Variants in ACTA1 observed in about 807,000 individuals in gnomAD.
ACTA1 encodes the protein actin alpha 1, skeletal muscle, also known as actin, alpha skeletal muscle.
A neutral mutation model predicts 35.8 loss-of-function variants in ACTA1; 25 were observed. The ratio of observed to expected loss-of-function variants is 0.70; its 90% CI spans 0.51 to 0.97. The LOEUF is 0.97. Ranked by LOEUF, ACTA1 falls within the 50% of genes least tolerant of loss-of-function variation. The pLI, the probability that ACTA1 is intolerant of heterozygous loss-of-function variation, is 0.00. For synonymous variants in ACTA1, 219 were observed against 217.1 expected, an observed-to-expected ratio of 1.01 and a Z score of -0.08; for missense variants, 174 against 533.0, an observed-to-expected ratio of 0.33 and a Z score of 6.63.
chr1:229,432,983 T>A lies in ACTA1; in HGVS notation c.129+4A>T. 1 of 1,613,490 alleles carries A rather than the reference T, an allele frequency of 6.2e-7. No homozygotes were observed. On this transcript the variant is annotated splice_donor_region_variant and intron_variant, in intron 2 of 6. Coordinates refer to ENST00000366684, the MANE Select transcript of ACTA1 (RefSeq NM_001100.4). ...CGGCTCCCTCTGCGGAGGGGCAGCC[T>A]GACCTGGTGTCGGGGGCGGCCCACG...
chr1:229,433,187 AGG>A (rs57214022), intron 1 of ACTA1, 60 bp from the exon 2 acceptor site: 5 of 1,601,076 alleles, frequency 3.1e-6, no homozygotes, highest in Non-Finnish European at 1.7e-6. Context: ...TCTCAGCGGC[AGG>A]GGGGGGTAAG....
In ACTA1 at chr1:229,432,676, G is replaced by A. The variant is rs146508471; in HGVS notation, c.334C>T (p.Leu112Phe). 4 of 1,614,056 alleles carry A rather than the reference G, an allele frequency of 2.5e-6. No homozygotes were observed. The African/African-American group carries it at 5.3e-5, about 22-fold the overall frequency. ...TTCTCGCGGTTGGCCTTGGGATTGAGGGGGGCCTCGGTGAGCAGGGTGGGG... is the reference window on the plus strand; with the variant it reads ...TTCTCGCGGTTGGCCTTGGGATTGAAGGGGGCCTCGGTGAGCAGGGTGGGG... Reference protein sequence around the residue: ...EHPTLLTEAPLNPKANREKMT... With the variant: ...EHPTLLTEAPFNPKANREKMT... Residue 112 changes from leucine (L) to phenylalanine (F), a missense_variant, in exon 3 of 7, where the codon CTC becomes TTC. By Grantham distance (22) the Leu-to-Phe change is conservative (BLOSUM62 0). Coordinates refer to ENST00000366684, the MANE Select transcript of ACTA1 (RefSeq NM_001100.4).
intron 1 of ACTA1, 30 bp downstream of exon 1, chr1:229,433,974 C>G (rs1245006225): frequency 6.6e-6 from 1 of 152,432 alleles, no homozygotes; most frequent in African/African-American, 2.4e-5. Context: ...AGTGCCCTGT[C>G]CCCCTGTCCC....
intron 1 of ACTA1, 75 bp from the exon 2 acceptor site, chr1:229,433,202 T>C: frequency 1.9e-6 from 3 of 1,597,602 alleles, no homozygotes; most frequent in Non-Finnish European, 2.6e-6. Flanking sequence ...GGGGTAAGCC[T>C]GGCTGGCCCC....
Position 229,431,793 on chromosome 1 carries a change from C to A in ACTA1, c.918G>T (p.Thr306=). 6.2e-7 allele frequency: 1 copy of A among 1,614,172 alleles called. No individual in the cohort carries two copies. Among genetic ancestry groups the A allele is most frequent in the Non-Finnish European group, 8.5e-7 (1 of 1,180,016 alleles). The change falls in exon 6 of 7, where the codon ACG becomes ACT. Residue 306 remains threonine, a synonymous_variant. Transcript: ENST00000366684. The surrounding 1 kb of genome is among the most constrained non-coding windows in gnomAD (Gnocchi z 7.1). ...TGCGGTCAGCGATCCCAGGGTACAT[C>A]GTGGTGCCCCCCGACATGACGTTGT... The part of the protein sequence containing the change: ...YANNVMSGGT[T]MYPGIADRMQ...
chr1:229,431,846 T>C lies in ACTA1; in HGVS notation c.865A>G (p.Ile289Val). Residue 289 changes from isoleucine (I) to valine (V), a missense_variant, in exon 6 of 7, where the codon ATC (isoleucine) becomes GTC (valine). Coordinates refer to ENST00000366684, the MANE Select transcript of ACTA1 (RefSeq NM_001100.4). The surrounding 1 kb of genome is among the most constrained non-coding windows in gnomAD (Gnocchi z 7.1). Reference protein sequence around the residue: ...TTYNSIMKCDIDIRKDLYANN... With the variant: ...TTYNSIMKCDVDIRKDLYANN... ...GCATACAGGTCCTTCCTGATGTCGA[T>C]GTCACACTTCATGATGCTGTTGTAG... The C allele has an allele frequency of 6.2e-7, 1 of 1,614,138 alleles. No homozygotes were observed.
In ACTA1 at chr1:229,432,842, C is replaced by T. The variant is rs765413340; in HGVS notation, c.168G>A (p.Val56=). 6.8e-6 allele frequency: 11 copies of T among 1,614,178 alleles called. No individual in the cohort carries two copies. The East Asian group carries it at 1.1e-4, about 16-fold the overall frequency. The part of the protein sequence containing the change: ...MVGMGQKDSY[V]GDEAQSKRGI... ...CTCTCTTGCTCTGAGCCTCGTCGCCCACGTAGGAATCTTTCTGACCCATAC... is the reference window on the plus strand; with the variant it reads ...CTCTCTTGCTCTGAGCCTCGTCGCCTACGTAGGAATCTTTCTGACCCATAC... Residue 56 remains valine (V), a synonymous_variant, in exon 3 of 7, where the codon GTG becomes GTA. Coordinates refer to ENST00000366684, the MANE Select transcript of ACTA1 (RefSeq NM_001100.4).
At chr1:229,433,825 T>G (rs1418380092) in intron 1 of ACTA1, among the ~76,000 whole-genome samples, 179 bp downstream of exon 1, 1 of 151,240 alleles carries the variant, frequency 6.6e-6, no homozygotes, top group Non-Finnish European at 1.5e-5. Flanking sequence ...AAGTCTAATT[T>G]CCAGAGGCTG....
chr1:229,433,244 T>C, intron 1 of ACTA1, 117 bp from the exon 2 acceptor site: 1 of 1,420,302 alleles, frequency 7.0e-7, no homozygotes, highest in Admixed American at 1.8e-5. Context: ...CCTAGGGACA[T>C]CTCCTGCCGG....
At position 229,434,077 on chromosome 1, in the gene ACTA1, G is replaced by C. The variant is rs1367779709; in HGVS notation, c.-86C>G. 6.6e-6 allele frequency: 1 copy of C among 152,388 alleles called. No homozygotes were observed. Among genetic ancestry groups the C allele is most frequent in the African/African-American group, 2.4e-5 (1 of 41,472 alleles). 9.4% of individuals were successfully genotyped at this position (152,388 alleles called of 1,614,324 possible). A position where few individuals can be genotyped will look rare whatever the true frequency, so the allele number is the denominator to read the frequency against. On this transcript the variant is annotated 5_prime_UTR_variant, in exon 1 of 7. Coordinates refer to ENST00000366684, the MANE Select transcript of ACTA1 (RefSeq NM_001100.4). ...GCGGAGGGGAAGCGAGGCTTCACTT[G>C]GCGCTGTCCGCTGCGGTGGCCGCTT...
Position 229,431,277 on chromosome 1 carries a change from T to G in ACTA1, c.*222A>C. 1.5e-6 allele frequency: 1 copy of G among 660,356 alleles called. No individual in the cohort carries two copies. Among genetic ancestry groups the G allele is most frequent in the South Asian group, 1.8e-5 (1 of 54,280 alleles). 40.9% of individuals were successfully genotyped at this position (660,356 alleles called of 1,614,324 possible). On this transcript the variant is annotated 3_prime_UTR_variant, in exon 7 of 7. Coordinates refer to ENST00000366684, the MANE Select transcript of ACTA1 (RefSeq NM_001100.4). This position sits in a 1 kb window ranked among gnomAD's most constrained non-coding sequence, Gnocchi z 7.1. Reference sequence around the variant, plus strand: ...AGCTTAACAGAATGACTTTAATGCTTCTTCAAGTTTTCCATTTTCTTCCAC... The same window carrying G: ...AGCTTAACAGAATGACTTTAATGCTGCTTCAAGTTTTCCATTTTCTTCCAC...
intron 1 of ACTA1, among the ~76,000 whole-genome samples, chr1:229,433,638 G>T (rs548993940): frequency 6.6e-6 from 1 of 152,316 alleles, no homozygotes; most frequent in East Asian, 1.9e-4. Context: ...ACTCAGAAAG[G>T]GCCTTTTCGC....
chr1:229,433,040 C>T lies in ACTA1; in HGVS notation c.76G>A (p.Asp26Asn), dbSNP rs1659985676. ...GGGAACACGGCCCTAGGGGCGTCATCCCCGGCGAAGCCGGCTTTCACCAGG... is the reference window on the plus strand; with the variant it reads ...GGGAACACGGCCCTAGGGGCGTCATTCCCGGCGAAGCCGGCTTTCACCAGG... ...SGLVKAGFAG[D>N]DAPRAVFPSI... Residue 26 changes from aspartate to asparagine, a missense_variant, in exon 2 of 7, where the codon GAT becomes AAT. By Grantham distance (23) the Asp-to-Asn change is conservative (BLOSUM62 1). Coordinates refer to ENST00000366684, the MANE Select transcript of ACTA1 (RefSeq NM_001100.4). 1 of 1,613,830 alleles carries T rather than the reference C, an allele frequency of 6.2e-7. No individual in the cohort carries two copies. The highest frequency in any genetic ancestry group is 8.5e-7 in the Non-Finnish European group (1 of 1,179,896).
At position 229,433,068 on chromosome 1, in the gene ACTA1, G is replaced by A. The variant is rs370407621; in HGVS notation, c.48C>T (p.Ser16=). 5 of 1,614,010 alleles carry A rather than the reference G, an allele frequency of 3.1e-6. No individual in the cohort carries two copies. The highest frequency in any genetic ancestry group is 1.3e-5 in the African/African-American group (1 of 74,950). The change falls in exon 2 of 7, where the codon TCC becomes TCT. Residue 16 remains serine (S), a synonymous_variant. Transcript: ENST00000366684. Reference sequence around the variant, plus strand: ...CGGCGAAGCCGGCTTTCACCAGGCCGGAGCCATTGTCGCACACGAGGGCGG... The same window carrying A: ...CGGCGAAGCCGGCTTTCACCAGGCCAGAGCCATTGTCGCACACGAGGGCGG... The part of the protein sequence containing the change: ...ETTALVCDNG[S]GLVKAGFAGD...
At position 229,431,477 on chromosome 1, in the gene ACTA1, G is replaced by T; in HGVS notation, c.*22C>A. On this transcript the variant is annotated 3_prime_UTR_variant, in exon 7 of 7. Transcript: ENST00000366684. The surrounding 1 kb of genome is among the most constrained non-coding windows in gnomAD (Gnocchi z 7.1). ...AGAAGATTCGTCGTCCTGAGAAGTC[G>T]CGTGCTGGAGGTGGAGTGTGTCTAG... 6.2e-7 allele frequency: 1 copy of T among 1,612,600 alleles called. No individual in the cohort carries two copies. The highest frequency in any genetic ancestry group is 8.5e-7 in the Non-Finnish European group (1 of 1,180,016).
intron 3 of ACTA1, 43 bp downstream of exon 3, chr1:229,432,513 G>C: frequency 6.8e-7 from 1 of 1,472,104 alleles, no homozygotes; most frequent in Non-Finnish European, 9.1e-7. Context: ...GGCGGGGGCG[G>C]GGGCGGGGGC....
Position 229,433,144 on chromosome 1 carries a change from A to C in ACTA1, c.-12-17T>G. The C allele has an allele frequency of 6.2e-7, 1 of 1,613,554 alleles. No homozygotes were observed. Among genetic ancestry groups the C allele is most frequent in the Non-Finnish European group, 8.5e-7 (1 of 1,179,816 alleles). On this transcript the variant is annotated splice_polypyrimidine_tract_variant and intron_variant, in intron 1 of 6. Transcript: ENST00000366684. ...GTCTAGTTTCTGCAAGGACAGGGAG[A>C]CCGCGAAGAGGCGCGGTGCATCAGC...
Position 229,432,165 on chromosome 1 carries a change from C to T in ACTA1, c.637G>A (p.Asp213Asn), listed in dbSNP as rs1353303107. ...VTTAEREIVR[D>N]IKEKLCYVAL... The stretch of plus-strand genomic sequence containing the variant: ...ACGTAGCACAGCTTCTCCTTGATGT[C>T]GCGCACGATCTCGCGCTCAGCTGCG... Residue 213 changes from aspartate to asparagine, a missense_variant, in exon 5 of 7, where the codon GAC becomes AAC. Coordinates refer to ENST00000366684, the MANE Select transcript of ACTA1 (RefSeq NM_001100.4). 6.2e-7 allele frequency: 1 copy of T among 1,613,584 alleles called. No individual in the cohort carries two copies. The highest frequency in any genetic ancestry group is 2.2e-5 in the East Asian group (1 of 44,844).
At position 229,432,548 on chromosome 1, in the gene ACTA1, G is replaced by A. The variant is rs1421646912; in HGVS notation, c.454+8C>T. ...CGGGAGAGGGGACTGGGGGCAGCGG[G>A]CACTCACCGGTGGTCCTGCCGGAGG... On this transcript the variant is annotated splice_region_variant and intron_variant, in intron 3 of 6. Coordinates refer to ENST00000366684, the MANE Select transcript of ACTA1 (RefSeq NM_001100.4). 3.1e-6 allele frequency: 5 copies of A among 1,605,518 alleles called. No homozygotes were observed. Among genetic ancestry groups the A allele is most frequent in the Non-Finnish European group, 1.7e-6 (2 of 1,176,666 alleles).
Sources: allele counts gnomAD v4.1 joint callset (sites outside exome capture counted in the v4.1 genomes callset), GRCh38; gene constraint gnomAD v4.1.1; non-coding constraint Gnocchi (gnomAD v3.1); transcripts MANE v1.5; gene names NCBI Gene and HGNC (gene_info 2026-07-23, HGNC 2026-07-21).